SEMA6A: variants seen among roughly 807,000 people sequenced by gnomAD.
The protein encoded by SEMA6A is semaphorin 6A, also known as semaphorin-6A.
A neutral mutation model predicts 96.8 loss-of-function variants in SEMA6A; 25 were observed. The ratio of observed to expected loss-of-function variants is 0.26; its 90% CI spans 0.19 to 0.36. SEMA6A has a LOEUF of 0.36. SEMA6A is among the 10% of genes least tolerant of loss of function. The pLI, the probability that SEMA6A is intolerant of heterozygous loss-of-function variation, is 1.00. For missense variants in SEMA6A, 1,363 were observed against 1,323.1 expected (o/e 1.03, Z -0.47); for synonymous variants, 612 against 518.0 (o/e 1.18, Z -2.46).
At chr5:116,529,269 G>A (rs999902293) in intron 1 of SEMA6A, among the ~76,000 whole-genome samples, 1 of 152,136 alleles carries the variant, frequency 6.6e-6, no homozygotes, top group Non-Finnish European at 1.5e-5. Flanking sequence ...CTTGCTAGAG[G>A]TTGGTTAACA....
chr5:116,564,548 G>A (rs932028933), intron 1 of SEMA6A, among the ~76,000 whole-genome samples: 17 of 152,204 alleles, frequency 1.1e-4, no homozygotes, highest in African/African-American at 3.9e-4. Flanking sequence ...CCAGAAGCAA[G>A]CTGTGTTCTG....
chr5:116,490,998 G>A (rs1416851777), intron 7 of SEMA6A, among the ~76,000 whole-genome samples: 1 of 152,160 alleles, frequency 6.6e-6, no homozygotes, highest in Admixed American at 6.6e-5. Context: ...CTTTTGCAGT[G>A]GAAAGAAGGA....
chr5:116,506,923 C>G (rs995425101), intron 1 of SEMA6A, among the ~76,000 whole-genome samples: 3 of 152,170 alleles, frequency 2.0e-5, no homozygotes, highest in Non-Finnish European at 2.9e-5. Flanking sequence ...CATCTTTGTA[C>G]AAATGTCCTA....
intron 1 of SEMA6A, among the ~76,000 whole-genome samples, chr5:116,524,947 C>G (rs1401548047): frequency 6.6e-6 from 1 of 152,176 alleles, no homozygotes; most frequent in Non-Finnish European, 1.5e-5. Context: ...AATGGCATCT[C>G]TGAACTCTTC....
At chr5:116,527,999 C>T (rs934094906) in intron 1 of SEMA6A, among the ~76,000 whole-genome samples, 34 of 152,240 alleles carry the variant, frequency 2.2e-4, no homozygotes, top group African/African-American at 8.2e-4. Context: ...TAATTAACAA[C>T]TTTTGCAAGA....
chr5:116,477,000 G>A (rs894769592), intron 15 of SEMA6A, among the ~76,000 whole-genome samples: 2 of 152,166 alleles, frequency 1.3e-5, no homozygotes, highest in South Asian at 4.1e-4. Flanking sequence ...TTCTGAAATA[G>A]GAAGGGAGGC....
intron 1 of SEMA6A, among the ~76,000 whole-genome samples, chr5:116,541,456 C>T (rs1451969148): frequency 6.6e-6 from 1 of 151,952 alleles, no homozygotes; most frequent in Non-Finnish European, 1.5e-5. Context: ...GTACATGTTC[C>T]TATACTAAGA....
At chr5:116,546,027 A>C (rs78574893) in intron 1 of SEMA6A, among the ~76,000 whole-genome samples, 18 of 152,364 alleles carry the variant, frequency 1.2e-4, no homozygotes, top group African/African-American at 4.1e-4. Context: ...TGCTTCAGTA[A>C]AATAATAAAT....
intron 9 of SEMA6A, 158 bp from the exon 10 acceptor site, chr5:116,487,124 A>G (rs938083827): frequency 9.7e-5 from 59 of 607,772 alleles, no homozygotes; most frequent in Non-Finnish European, 1.4e-4. Context: ...AAAGAAAAAA[A>G]GAGGAAAACT....
rs1757921672 is a variant in SEMA6A, at chr5:116,502,304, C to A, written c.124G>T (p.Val42Leu). The change falls in exon 3 of 19, where the codon GTG becomes TTG. Residue 42 changes from valine (V) to leucine (L), a missense_variant. Val to Leu is a conservative substitution (Grantham distance 32). Around this residue, in one of 2 missense-constraint regions of SEMA6A, gnomAD observed 480 missense variants for 559.5 expected, o/e 0.86. Coordinates refer to ENST00000343348, the MANE Select transcript of SEMA6A (RefSeq NM_020796.5). ...GNYTKQYPVFVGHKPGRNTTQ... is the reference protein window; with the variant it reads ...GNYTKQYPVFLGHKPGRNTTQ... Reference sequence around the variant, plus strand: ...GTGTTCCGTCCTGGCTTGTGGCCCACAAACACCGGATACTGTTTTGTATCT... The same window carrying A: ...GTGTTCCGTCCTGGCTTGTGGCCCAAAAACACCGGATACTGTTTTGTATCT... 4 of 1,613,798 alleles carry A rather than the reference C, an allele frequency of 2.5e-6. No individual in the cohort carries two copies. Among genetic ancestry groups the A allele is most frequent in the South Asian group, 2.2e-5 (2 of 91,074 alleles).
intron 1 of SEMA6A, among the ~76,000 whole-genome samples, chr5:116,573,403 G>C (rs925735964): frequency 2.0e-5 from 3 of 147,332 alleles, no homozygotes; most frequent in African/African-American, 8.1e-5. Context: ...GAGGGACGCA[G>C]CCGCGACGGG....
intron 18 of SEMA6A, among the ~76,000 whole-genome samples, chr5:116,466,883 A>G (rs1161928587): frequency 2.0e-5 from 3 of 152,240 alleles, no homozygotes; most frequent in Non-Finnish European, 2.9e-5. Flanking sequence ...TACCAGAAGC[A>G]GCAAATGGCA....
At chr5:116,570,010 A>G (rs1182411298) in intron 1 of SEMA6A, among the ~76,000 whole-genome samples, 1 of 152,154 alleles carries the variant, frequency 6.6e-6, no homozygotes, top group Non-Finnish European at 1.5e-5. Context: ...GTGTAAATGG[A>G]ATTATTGTAA....
chr5:116,459,599 A>G (rs1413229011), intron 18 of SEMA6A, among the ~76,000 whole-genome samples: 1 of 152,124 alleles, frequency 6.6e-6, no homozygotes, highest in Non-Finnish European at 1.5e-5. Flanking sequence ...TATCTTGGTC[A>G]TGGACTTTAT....
intron 1 of SEMA6A, among the ~76,000 whole-genome samples, chr5:116,519,853 A>T (rs1758850006): frequency 6.6e-6 from 1 of 152,028 alleles, no homozygotes; most frequent in South Asian, 2.1e-4. Context: ...ATCTAACCTA[A>T]CCTCAGCTCC....
intron 1 of SEMA6A, among the ~76,000 whole-genome samples, chr5:116,572,563 G>A (rs1761266631): frequency 6.6e-6 from 1 of 152,190 alleles, no homozygotes. Flanking sequence ...GGAGCAGATG[G>A]CTCGGGATTC....
Position 116,502,246 on chromosome 5 carries a change from A to G in SEMA6A, c.182T>C (p.Ile61Thr). 1 of 1,613,912 alleles carries G rather than the reference A, an allele frequency of 6.2e-7. No individual in the cohort carries two copies. Among genetic ancestry groups the G allele is most frequent in the Non-Finnish European group, 8.5e-7 (1 of 1,179,844 alleles). The change falls in exon 3 of 19, where the codon ATT becomes ACT. Residue 61 changes from isoleucine to threonine, a missense_variant. Coordinates refer to ENST00000343348, the MANE Select transcript of SEMA6A (RefSeq NM_020796.5). ...TQRHRLDIQM[I>T]MIMNGTLYIA... ...GTAGAGGGTTCCGTTCATGATCATA[A>G]TCATCTGGATGTCCAGCCTGTGCCT... is the stretch of plus-strand genomic sequence containing the variant.
At chr5:116,491,498 A>G (rs898820605) in intron 7 of SEMA6A, among the ~76,000 whole-genome samples, 1 of 152,102 alleles carries the variant, frequency 6.6e-6, no homozygotes, top group Admixed American at 6.6e-5. Context: ...TAACTGATCC[A>G]TCACATGTTC....
Position 116,451,690 on chromosome 5 carries a change from A to C in SEMA6A, c.1895-3879T>G, listed in dbSNP as rs186693657. On this transcript the variant is annotated intron_variant, in intron 18 of 18. Transcript: ENST00000343348. The stretch of plus-strand genomic sequence containing the variant: ...ACATTGTAGAGCTATTTTTAAATGA[A>C]CTTCTAAACTTGGGAGGTAATCTTT... Among the ~76,000 whole-genome samples, 325 of 152,268 alleles carry C rather than the reference A, an allele frequency of 2.1e-3. 1 individual carries two copies. The highest frequency in any genetic ancestry group is 7.3e-3 in the African/African-American group (304 of 41,560).
Sources: allele counts gnomAD v4.1 joint callset (sites outside exome capture counted in the v4.1 genomes callset), GRCh38; gene constraint gnomAD v4.1.1; regional missense constraint gnomAD v4.1.1; transcripts MANE v1.5; gene names NCBI Gene and HGNC (gene_info 2026-07-23, HGNC 2026-07-21).